The following NCALD variants were observed in gnomAD, a reference collection of about 807,000 sequenced individuals.
NCALD encodes the protein neurocalcin delta.
NCALD carries 10 observed loss-of-function variants against 18.6 expected under a neutral mutation model. The ratio of observed to expected loss-of-function variants is 0.54; its 90% CI spans 0.33 to 0.91. The LOEUF (loss-of-function observed/expected upper bound fraction) is 0.91, where lower values mean the gene tolerates loss of function less well. NCALD is among the 40% of genes least tolerant of loss of function. NCALD has a pLI of 0.03. For synonymous variants in NCALD, 88 were observed against 87.4 expected (o/e 1.01, Z -0.04); for missense variants, 184 against 247.6 (o/e 0.74, Z 1.72).
chr8:101,947,633 A>G (rs551853166), intron 2 of NCALD, among the ~76,000 whole-genome samples: 14 of 152,330 alleles, frequency 9.2e-5, no homozygotes, highest in African/African-American at 3.4e-4. Context: ...AGTTGTATTG[A>G]CCTTGATGAA....
At chr8:101,764,243 T>G (rs1262784566) in intron 1 of NCALD, among the ~76,000 whole-genome samples, 1 of 152,052 alleles carries the variant, frequency 6.6e-6, no homozygotes, top group Non-Finnish European at 1.5e-5. Flanking sequence ...AGAGGAACAA[T>G]TACTGAATCC....
At chr8:101,842,252 A>T (rs977009169) in intron 4 of NCALD, among the ~76,000 whole-genome samples, 1 of 152,178 alleles carries the variant, frequency 6.6e-6, no homozygotes, top group African/African-American at 2.4e-5. Flanking sequence ...AGACAGTCAC[A>T]TGCTGAGGCT....
At chr8:101,777,997 A>G (rs1006233986) in intron 1 of NCALD, among the ~76,000 whole-genome samples, 1 of 152,180 alleles carries the variant, frequency 6.6e-6, no homozygotes, top group Non-Finnish European at 1.5e-5. Context: ...AGGGAGAAGG[A>G]ACAGTCAAGG....
chr8:101,809,654 C>T (rs1486115209), intron 4 of NCALD, among the ~76,000 whole-genome samples: 1 of 152,184 alleles, frequency 6.6e-6, no homozygotes. Context: ...TGCAGTGATT[C>T]TCCTGCCTCA....
At chr8:101,759,558 C>A (rs1268974684) in intron 1 of NCALD, among the ~76,000 whole-genome samples, 1 of 152,198 alleles carries the variant, frequency 6.6e-6, no homozygotes, top group Non-Finnish European at 1.5e-5. Context: ...TCCCAGGGAC[C>A]TGCCTGCTGT....
At chr8:102,109,400 T>A (rs997287806) in intron 1 of NCALD, among the ~76,000 whole-genome samples, 1 of 152,096 alleles carries the variant, frequency 6.6e-6, no homozygotes, top group African/African-American at 2.4e-5. Flanking sequence ...TTCCTCCTCA[T>A]CCTACACAAA....
intron 2 of NCALD, among the ~76,000 whole-genome samples, chr8:101,976,467 ATTTATT>A (rs756362382): frequency 9.2e-5 from 14 of 152,342 alleles, no homozygotes; most frequent in South Asian, 2.1e-4. Context: ...AGATAAAATA[ATTTATT>A]TGACCTCAAT....
chr8:102,002,791 G>A (rs1428708349), intron 2 of NCALD, among the ~76,000 whole-genome samples: 7 of 152,060 alleles, frequency 4.6e-5, no homozygotes, highest in East Asian at 1.9e-4. Flanking sequence ...TGTACATAAC[G>A]AAATAAAGGC....
intron 2 of NCALD, among the ~76,000 whole-genome samples, chr8:101,962,955 CA>C (rs1350628434): frequency 6.6e-6 from 1 of 152,056 alleles, no homozygotes; most frequent in African/African-American, 2.4e-5. Context: ...GATGTATTGC[CA>C]AATACCTGTG....
intron 4 of NCALD, among the ~76,000 whole-genome samples, chr8:101,857,041 G>T (rs1815348134): frequency 6.6e-6 from 1 of 152,142 alleles, no homozygotes; most frequent in South Asian, 2.1e-4. Flanking sequence ...CGTGCTGTGA[G>T]CTCCTTTACC....
At chr8:101,698,337 T>G (rs1005978035) in intron 2 of NCALD, among the ~76,000 whole-genome samples, 2 of 152,178 alleles carry the variant, frequency 1.3e-5, no homozygotes, top group African/African-American at 4.8e-5. Flanking sequence ...AGAATCAATA[T>G]TGTGAAAATG....
chr8:101,892,618 A>C (rs2131518624), intron 3 of NCALD, among the ~76,000 whole-genome samples: 1 of 149,686 alleles, frequency 6.7e-6, no homozygotes, highest in East Asian at 1.9e-4. Context: ...ACTTTGAAAA[A>C]AATATAGAAG....
intron 1 of NCALD, among the ~76,000 whole-genome samples, chr8:101,723,675 A>G (rs1301951537): frequency 6.6e-6 from 1 of 152,202 alleles, no homozygotes; most frequent in East Asian, 1.9e-4. Context: ...ACATAGCACA[A>G]TAAGGTTTTC....
chr8:101,702,799 T>C (rs1014841858), intron 2 of NCALD, among the ~76,000 whole-genome samples: 1 of 152,234 alleles, frequency 6.6e-6, no homozygotes, highest in Non-Finnish European at 1.5e-5. Flanking sequence ...ACATTGACGA[T>C]GCTATAAAGG....
At chr8:101,857,389 T>A (rs1043788045) in intron 4 of NCALD, among the ~76,000 whole-genome samples, 1 of 152,194 alleles carries the variant, frequency 6.6e-6, no homozygotes, top group Non-Finnish European at 1.5e-5. Flanking sequence ...AAGGCACAGA[T>A]GTGCATATCT....
intron 4 of NCALD, among the ~76,000 whole-genome samples, chr8:101,884,616 T>C (rs543820777): frequency 1.2e-4 from 18 of 152,322 alleles, no homozygotes; most frequent in African/African-American, 3.6e-4. Context: ...CTCCTATGTC[T>C]GTATGACACT....
chr8:101,719,159 G>A, intron 2 of NCALD, 93 bp downstream of exon 2: 2 of 1,471,792 alleles, frequency 1.4e-6, no homozygotes, highest in South Asian at 2.7e-5. Context: ...TGACTCACCA[G>A]TTTGCAACCT....
rs553758679 is a variant in NCALD, at chr8:101,703,841, C to G, written c.379-10945G>C. Among the ~76,000 whole-genome samples the G allele has an allele frequency of 1.0e-3, 156 of 152,266 alleles. 1 individual carries two copies. Among genetic ancestry groups the G allele is most frequent in the Non-Finnish European group, 1.8e-3 (122 of 68,010 alleles). ...TGGCAGGTCTCCCTCAAGTATTCAGCACAGTCAGTCTACACAAGACTGACT... is the reference window on the plus strand; with the variant it reads ...TGGCAGGTCTCCCTCAAGTATTCAGGACAGTCAGTCTACACAAGACTGACT... On this transcript the variant is annotated intron_variant, in intron 2 of 3. Coordinates refer to ENST00000220931, the MANE Select transcript of NCALD (RefSeq NM_032041.3).
At chr8:101,713,710 AC>A (rs1815925259) in intron 2 of NCALD, among the ~76,000 whole-genome samples, 2 of 152,270 alleles carry the variant, frequency 1.3e-5, no homozygotes, top group South Asian at 4.2e-4. Context: ...GGACACATAC[AC>A]CCTCCAAAGA....
Sources: allele counts gnomAD v4.1 joint callset (sites outside exome capture counted in the v4.1 genomes callset), GRCh38; gene constraint gnomAD v4.1.1; transcripts MANE v1.5; gene names NCBI Gene and HGNC (gene_info 2026-07-23, HGNC 2026-07-21).